The following EPB41 variants were observed in gnomAD, a reference collection of about 807,000 sequenced individuals.
EPB41 encodes erythrocyte membrane protein band 4.1.
In EPB41, 65 loss-of-function variants were observed where a neutral mutation model predicts 108.0. The ratio of observed to expected loss-of-function variants is 0.60; its 90% CI spans 0.49 to 0.74. The LOEUF is 0.74. Ranked by LOEUF, EPB41 falls within the 30% of genes least tolerant of loss-of-function variation. The probability of loss-of-function intolerance (pLI) is 0.00; values close to 1 mark genes in which losing one functional copy is unlikely to be tolerated. For synonymous variants in EPB41, 336 were observed against 358.9 expected, an observed-to-expected ratio of 0.94 and a Z score of 0.72; for missense variants, 875 against 1,037.0, an observed-to-expected ratio of 0.84 and a Z score of 2.15.
At chr1:29,049,910 T>G (rs1644195072) in intron 11 of EPB41, among the ~76,000 whole-genome samples, 2 of 152,152 alleles carry the variant, frequency 1.3e-5, no homozygotes, top group Admixed American at 1.3e-4. Flanking sequence ...CCACACATCT[T>G]AAAAAGCAAT....
At chr1:28,980,513 C>A (rs2095712082) in intron 1 of EPB41, among the ~76,000 whole-genome samples, 1 of 151,538 alleles carries the variant, frequency 6.6e-6, no homozygotes, top group Admixed American at 6.6e-5. Context: ...AGTTTGAAAC[C>A]AGCCTGGGCA....
chr1:29,100,131 T>C (rs770250747), intron 17 of EPB41, among the ~76,000 whole-genome samples: 35 of 151,956 alleles, frequency 2.3e-4, no homozygotes, highest in Non-Finnish European at 4.9e-4. Flanking sequence ...ATGAACTGGA[T>C]GATGTTATCT....
intron 1 of EPB41, among the ~76,000 whole-genome samples, chr1:28,975,149 C>G (rs1355937501): frequency 6.6e-6 from 1 of 151,954 alleles, no homozygotes; most frequent in African/African-American, 2.4e-5. Context: ...TCAGGCTGGT[C>G]TCAAACTCCT....
upstream of EPB41, chr1:28,887,133 T>C (rs1424849541): frequency 3.2e-6 from 3 of 923,582 alleles, no homozygotes; most frequent in Admixed American, 2.3e-5. This position sits in a 1 kb window ranked among gnomAD's most constrained non-coding sequence, Gnocchi z 4.9. Context: ...CGGGGCAAAG[T>C]GGCAGGAACC....
intron 1 of EPB41, among the ~76,000 whole-genome samples, chr1:28,888,986 G>T (rs2147791963): frequency 6.6e-6 from 1 of 152,296 alleles, no homozygotes; most frequent in South Asian, 2.1e-4. Flanking sequence ...GGCTTGAGAA[G>T]AAAGGGAGCC....
chr1:28,899,000 C>A (rs1050017085), intron 1 of EPB41, among the ~76,000 whole-genome samples: 3 of 152,138 alleles, frequency 2.0e-5, no homozygotes, highest in East Asian at 1.9e-4. Flanking sequence ...GATCCCTCAG[C>A]CTTCTGGATC....
Position 29,013,453 on chromosome 1 carries a change from T to C in EPB41, c.829+1546T>C, listed in dbSNP as rs567669526. The stretch of plus-strand genomic sequence containing the variant: ...AGAGAATCAAACTGTAAACATTTTT[T>C]TAAGCCAAAGAGAAGAATGACATTT... On this transcript the variant is annotated intron_variant, in intron 5 of 20. Coordinates refer to ENST00000343067, the MANE Select transcript of EPB41 (RefSeq NM_001376013.1). Among the ~76,000 whole-genome samples, 10 of 152,306 alleles carry C rather than the reference T, an allele frequency of 6.6e-5. No individual in the cohort carries two copies. The South Asian group carries it at 2.1e-3, about 32-fold the overall frequency.
At position 29,033,126 on chromosome 1, in the gene EPB41, T is replaced by A. The variant is rs1372526025; in HGVS notation, c.1246T>A (p.Cys416Ser). The A allele has an allele frequency of 1.2e-6, 2 of 1,614,010 alleles. No individual in the cohort carries two copies. Among genetic ancestry groups the A allele is most frequent in the Admixed American group, 3.3e-5 (2 of 60,006 alleles). Residue 416 changes from cysteine (C) to serine (S), a missense_variant, in exon 9 of 21, where the codon TGC becomes AGC. Around this residue, in one of 3 missense-constraint regions of EPB41, gnomAD observed 519 missense variants for 627.3 expected, o/e 0.83. Transcript: ENST00000343067. ...AGGAGTAGATATCATCCTAGGTGTC[T>A]GCTCTAGTGGCCTTCTGGTTTACAA... ...LEGVDIILGVCSSGLLVYKDK... is the reference protein window; with the variant it reads ...LEGVDIILGVSSSGLLVYKDK...
chr1:29,059,148 G>A lies in EPB41; in HGVS notation c.1944+296G>A, dbSNP rs184211781. Among the ~76,000 whole-genome samples, 54 of 152,182 alleles carry A rather than the reference G, an allele frequency of 3.5e-4. 1 individual carries two copies. The highest frequency in any genetic ancestry group is 1.9e-4 in the East Asian group (1 of 5,168). ...AAATTAGCCAGGCGTGTTGGTGCAC[G>A]CCTTTAATCCCAGCTACTTGGGAGG... is the stretch of plus-strand genomic sequence containing the variant. On this transcript the variant is annotated intron_variant, in intron 14 of 20. Transcript: ENST00000343067.
chr1:29,082,422 C>T (rs1045301611), intron 16 of EPB41, among the ~76,000 whole-genome samples: 1 of 152,216 alleles, frequency 6.6e-6, no homozygotes, highest in Admixed American at 6.5e-5. Context: ...CTGGGCCTAA[C>T]CTCAAGGTAA....
At chr1:29,032,766 T>C (rs1053479727) in intron 8 of EPB41, among the ~76,000 whole-genome samples, 12 of 152,172 alleles carry the variant, frequency 7.9e-5, no homozygotes, top group African/African-American at 2.9e-4. Context: ...AAGATTGTCT[T>C]ATGCTGAGTT....
chr1:29,024,192 G>A (rs577390514), intron 7 of EPB41, among the ~76,000 whole-genome samples: 1 of 151,588 alleles, frequency 6.6e-6, no homozygotes, highest in East Asian at 1.9e-4. Flanking sequence ...AAAATTAGCT[G>A]GGCATGGTGG....
At chr1:29,073,747 T>C (rs1014910786) in intron 16 of EPB41, among the ~76,000 whole-genome samples, 3 of 152,200 alleles carry the variant, frequency 2.0e-5, no homozygotes, top group Non-Finnish European at 4.4e-5. Flanking sequence ...AGGGAATTGT[T>C]TGCATGGGTC....
intron 16 of EPB41, among the ~76,000 whole-genome samples, chr1:29,076,404 A>G (rs1654084117): frequency 6.6e-6 from 1 of 152,166 alleles, no homozygotes; most frequent in South Asian, 2.1e-4. Flanking sequence ...TTTTAGATAA[A>G]AGAGTAGAGG....
At chr1:29,114,686 A>T (rs1197613313) in intron 19 of EPB41, among the ~76,000 whole-genome samples, 1 of 150,762 alleles carries the variant, frequency 6.6e-6, no homozygotes, top group East Asian at 1.9e-4. Flanking sequence ...CCTACTAGCT[A>T]TGAAACAGTA....
At chr1:29,000,523 T>C (rs1052683114) in intron 4 of EPB41, among the ~76,000 whole-genome samples, 4 of 152,260 alleles carry the variant, frequency 2.6e-5, no homozygotes, top group Non-Finnish European at 4.4e-5. Context: ...AACCTGGCTG[T>C]GTAAGAAAAG....
intron 1 of EPB41, among the ~76,000 whole-genome samples, chr1:28,933,966 C>T (rs546000194): frequency 6.6e-6 from 1 of 152,166 alleles, no homozygotes; most frequent in South Asian, 2.1e-4. Context: ...AACTAAAGTT[C>T]ATATTTTATT....
In EPB41 at chr1:29,035,894, A is replaced by G. The variant is rs781472576; in HGVS notation, c.1434A>G (p.Lys478=). 2.1e-5 allele frequency: 34 copies of G among 1,613,752 alleles called. No individual in the cohort carries two copies. The highest frequency in any genetic ancestry group is 2.4e-5 in the Non-Finnish European group (28 of 1,179,748). The change falls in exon 10 of 21, where the codon AAA becomes AAG. Residue 478 remains lysine (K), a synonymous_variant. Transcript: ENST00000343067. ...PSYRAAKKLW[K]VCVEHHTFFR... ...ACCGAGCAGCTAAGAAATTATGGAAAGTCTGTGTAGAACATCACACGTTTT... is the reference window on the plus strand; with the variant it reads ...ACCGAGCAGCTAAGAAATTATGGAAGGTCTGTGTAGAACATCACACGTTTT...
intron 10 of EPB41, among the ~76,000 whole-genome samples, chr1:29,037,407 G>A (rs1432969554): frequency 1.3e-5 from 2 of 151,910 alleles, no homozygotes; most frequent in East Asian, 2.0e-4. Flanking sequence ...CCTTGAGTTC[G>A]TTTACCAAGC....
Sources: gnomAD v4.1 joint callset for allele counts (sites outside exome capture counted in the v4.1 genomes callset) on GRCh38, gnomAD v4.1.1 for gene constraint, gnomAD v4.1.1 regional missense constraint, Gnocchi (gnomAD v3.1) non-coding constraint, MANE v1.5 for transcripts, NCBI Gene and HGNC (gene_info 2026-07-23, HGNC 2026-07-21) for gene names.